RAD17: variants seen among roughly 807,000 people sequenced by gnomAD.
The protein encoded by RAD17 is RAD17 checkpoint clamp loader component, also known as cell cycle checkpoint protein RAD17.
Under a neutral mutation model 81.5 loss-of-function variants are expected in RAD17, and 31 were observed. That is an observed-to-expected ratio of 0.38 (90% confidence interval 0.29 to 0.51). The LOEUF (loss-of-function observed/expected upper bound fraction) is 0.51. Ranked by LOEUF, RAD17 falls within the 20% of genes least tolerant of loss-of-function variation. RAD17 has a pLI of 0.88. For missense variants in RAD17, 681 were observed against 781.2 expected (o/e 0.87, Z 1.53); for synonymous variants, 261 against 266.2 (o/e 0.98, Z 0.19).
In RAD17 at chr5:69,394,360, G is replaced by A. The variant is rs533198769; in HGVS notation, c.1422+860G>A. ...TTACAGGAGTGAGCCACCATGCCCA[G>A]CCCCAGCTTATTTTCTGATTTTAAA... On this transcript the variant is annotated intron_variant, in intron 15 of 18. Coordinates refer to ENST00000354868, the MANE Select transcript of RAD17 (RefSeq NM_133338.3). Among the ~76,000 whole-genome samples, 10 of 151,908 alleles carry A rather than the reference G, an allele frequency of 6.6e-5. No individual in the cohort carries two copies. The East Asian group carries it at 1.5e-3, about 23-fold the overall frequency.
intron 6 of RAD17, among the ~76,000 whole-genome samples, chr5:69,378,624 A>G (rs559984390): frequency 1.3e-5 from 2 of 152,352 alleles, no homozygotes; most frequent in African/African-American, 4.8e-5. Context: ...GGTTTTTGCA[A>G]ACCTCTGGTA....
intron 12 of RAD17, among the ~76,000 whole-genome samples, chr5:69,390,497 A>G (rs1205448005): frequency 1.3e-5 from 2 of 151,962 alleles, no homozygotes; most frequent in Admixed American, 1.3e-4. Flanking sequence ...TAAAAACCCA[A>G]GAAATGTGAT....
intron 2 of RAD17, 85 bp from the exon 3 acceptor site, chr5:69,371,369 G>T: frequency 2.0e-6 from 1 of 490,968 alleles, no homozygotes; most frequent in Non-Finnish European, 3.7e-6. Context: ...TTGTATTGTT[G>T]ATTATATCAG....
chr5:69,392,067 G>A (rs1764588887), intron 13 of RAD17, 54 bp downstream of exon 13: 5 of 1,339,880 alleles, frequency 3.7e-6, no homozygotes, highest in Non-Finnish European at 4.0e-6. Context: ...GTCTTAAAAT[G>A]GAAATAAAAT....
rs373632198 is a variant in RAD17 at position 69,377,439 on chromosome 5, GTA to G, written c.351+2763_351+2764del. Among the ~76,000 whole-genome samples the G allele has an allele frequency of 1.7e-3, 97 of 55,488 alleles. 3 individuals carry two copies. The highest frequency in any genetic ancestry group is 7.9e-3 in the African/African-American group (81 of 10,206). The allele number at this position is 55,488 out of a possible 152,430, so 36.4% of individuals were successfully genotyped here. ...GGTATATGTGTGTGTGTGTGTGTGT[GTA>G]TATATATATATATATATATATATAT... On this transcript the variant is annotated intron_variant, in intron 6 of 18. Coordinates refer to ENST00000354868, the MANE Select transcript of RAD17 (RefSeq NM_133338.3).
chr5:69,411,352 A>C (rs1765986445), intron 18 of RAD17, among the ~76,000 whole-genome samples: 1 of 152,120 alleles, frequency 6.6e-6, no homozygotes, highest in Non-Finnish European at 1.5e-5. Flanking sequence ...TGGAGGTTGC[A>C]GTGAGCCAAG....
At chr5:69,411,078 A>AT (rs1319335506) in intron 18 of RAD17, among the ~76,000 whole-genome samples, 3 of 149,216 alleles carry the variant, frequency 2.0e-5, no homozygotes, top group Non-Finnish European at 4.4e-5. Flanking sequence ...GACTTAGCTT[A>AT]TTTGTAAGAT....
chr5:69,388,504 C>T (rs144967720), intron 11 of RAD17, among the ~76,000 whole-genome samples: 14 of 152,154 alleles, frequency 9.2e-5, no homozygotes, highest in African/African-American at 3.1e-4. Flanking sequence ...TAAAATAATA[C>T]AGTATTTAAT....
chr5:69,373,761 A>G, intron 4 of RAD17, 69 bp from the exon 5 acceptor site: 1 of 1,004,252 alleles, frequency 1.0e-6, no homozygotes. Flanking sequence ...TTTCCAGAGT[A>G]GTTCAGTTAT....
intron 6 of RAD17, among the ~76,000 whole-genome samples, chr5:69,379,703 A>G (rs1171899266): frequency 6.6e-6 from 1 of 151,884 alleles, no homozygotes. Context: ...AAACACACCA[A>G]TTAGCCTAGG....
At position 69,373,817 on chromosome 5, in the gene RAD17, C is replaced by G. The variant is rs1561233546; in HGVS notation, c.10-13C>G. 1.3e-6 allele frequency: 2 copies of G among 1,485,912 alleles called. No homozygotes were observed. The highest frequency in any genetic ancestry group is 2.1e-5 in the Admixed American group (1 of 47,306). The allele number at this position is 1,485,912 out of a possible 1,614,324, so 92.0% of individuals were successfully genotyped here. Reference sequence around the variant, plus strand: ...AAATGTGATTATATTTACATGATTTCTTTTTTTTTCAGGTAACAGACTGGG... The same window carrying G: ...AAATGTGATTATATTTACATGATTTGTTTTTTTTTCAGGTAACAGACTGGG... On this transcript the variant is annotated splice_polypyrimidine_tract_variant and intron_variant, in intron 4 of 18. Coordinates refer to ENST00000354868, the MANE Select transcript of RAD17 (RefSeq NM_133338.3).
rs28469593 is a variant in RAD17, at chr5:69,377,614, C to T, written c.351+2903C>T. On this transcript the variant is annotated intron_variant, in intron 6 of 18. Coordinates refer to ENST00000354868, the MANE Select transcript of RAD17 (RefSeq NM_133338.3). ...ATATATATGCATATATATATGTATA[C>T]ATATATATGCATATATATGTATACA... Among the ~76,000 whole-genome samples the T allele has an allele frequency of 5.9e-4, 2 of 3,386 alleles. 1 individual carries two copies. Among genetic ancestry groups the T allele is most frequent in the Non-Finnish European group, 1.8e-3 (2 of 1,100 alleles). The allele number at this position is 3,386 out of a possible 152,430, so 2.2% of individuals were successfully genotyped here.
Position 69,400,023 on chromosome 5 carries a change from ATCTTTTTTTTT to A in RAD17, c.1573-19_1573-9del. On this transcript the variant is annotated splice_polypyrimidine_tract_variant and intron_variant, in intron 16 of 18. Transcript: ENST00000354868. ...TATTTTTAATTTCATTTTTCCTTTC[ATCTTTTTTTTT>A]TCTTTTCTATACAGTATCGGGAAAA... is the stretch of plus-strand genomic sequence containing the variant. 1 of 1,472,650 alleles carries A rather than the reference ATCTTTTTTTTT, an allele frequency of 6.8e-7. No individual in the cohort carries two copies. The highest frequency in any genetic ancestry group is 9.2e-7 in the Non-Finnish European group (1 of 1,090,524). The allele number at this position is 1,472,650 out of a possible 1,614,324, so 91.2% of individuals were successfully genotyped here.
chr5:69,389,206 T>G lies in RAD17; in HGVS notation c.1006+61T>G. On this transcript the variant is annotated intron_variant, in intron 12 of 18. Coordinates refer to ENST00000354868, the MANE Select transcript of RAD17 (RefSeq NM_133338.3). ...AGGTGACTGACTTTCTCTTAATTCA[T>G]TCAATGAAATCAAACATTTTAACTT... 2 of 1,016,114 alleles carry G rather than the reference T, an allele frequency of 2.0e-6. 1 individual carries two copies. The highest frequency in any genetic ancestry group is 3.3e-5 in the South Asian group (2 of 60,612). The allele number at this position is 1,016,114 out of a possible 1,614,324, so 62.9% of individuals were successfully genotyped here. A position where few individuals can be genotyped will look rare whatever the true frequency, so the allele number is the denominator to read the frequency against.
At chr5:69,372,568 A>G (rs952020998) in intron 4 of RAD17, among the ~76,000 whole-genome samples, 25 of 152,062 alleles carry the variant, frequency 1.6e-4, no homozygotes, top group African/African-American at 6.0e-4. Context: ...AAAAATTTCT[A>G]ATTTCTAATT....
intron 18 of RAD17, 58 bp downstream of exon 18, chr5:69,410,608 T>G: frequency 6.9e-7 from 1 of 1,441,980 alleles, no homozygotes; most frequent in Non-Finnish European, 9.7e-7. Context: ...CTGAATATGT[T>G]CAGTATGAAT....
intron 17 of RAD17, among the ~76,000 whole-genome samples, chr5:69,410,008 G>GTA (rs550614456): frequency 7.0e-4 from 106 of 152,226 alleles, no homozygotes; most frequent in African/African-American, 2.2e-3. Context: ...TTAAAGCTGA[G>GTA]TAATATTCCA....
intron 6 of RAD17, among the ~76,000 whole-genome samples, chr5:69,377,559 G>A (rs867830963): frequency 4.9e-4 from 5 of 10,258 alleles, no homozygotes; most frequent in Admixed American, 1.1e-3. Flanking sequence ...GCATATATAT[G>A]TATATATATA....
intron 6 of RAD17, among the ~76,000 whole-genome samples, chr5:69,377,703 A>ATATGCATATATATGTATACATATATG (rs1763600151): frequency 3.4e-5 from 3 of 89,400 alleles, no homozygotes; most frequent in Non-Finnish European, 6.8e-5. Context: ...ATACATATAT[A>ATATGCATATATATGTATACATATATG]TATGTATTGG....
Sources: allele counts gnomAD v4.1 joint callset (sites outside exome capture counted in the v4.1 genomes callset), GRCh38; gene constraint gnomAD v4.1.1; transcripts MANE v1.5; gene names NCBI Gene and HGNC (gene_info 2026-07-23, HGNC 2026-07-21).